Variants in RCC1 observed in about 807,000 individuals in gnomAD.
The protein encoded by RCC1 is regulator of chromosome condensation.
RCC1 carries 11 observed loss-of-function variants against 44.4 expected under a neutral mutation model. The ratio of observed to expected loss-of-function variants is 0.25; its 90% CI spans 0.16 to 0.41. RCC1 has a LOEUF of 0.41. Ranked by LOEUF, RCC1 falls within the 10% of genes least tolerant of loss-of-function variation. The pLI, the probability that RCC1 is intolerant of heterozygous loss-of-function variation, is 1.00. For synonymous variants in RCC1, 213 were observed against 216.5 expected (o/e 0.98, Z 0.14); for missense variants, 386 against 547.1 (o/e 0.71, Z 2.94).
intron 4 of RCC1, chr1:28,526,411 G>A (rs754787323): frequency 6.1e-5 from 27 of 441,560 alleles, no homozygotes; most frequent in Non-Finnish European, 1.0e-4. Flanking sequence ...CGAGAAATTC[G>A]CTTAGTTAAA....
intron 5 of RCC1, among the ~76,000 whole-genome samples, chr1:28,531,265 CTT>C (rs1178899130): frequency 6.1e-5 from 8 of 132,082 alleles, no homozygotes; most frequent in Non-Finnish European, 9.4e-5. Flanking sequence ...TTTTCTTTTT[CTT>C]TTTTTTTTTT....
intron 3 of RCC1, 23 bp downstream of exon 3, chr1:28,508,928 CAGGG>C (rs1173555647): frequency 1.6e-5 from 8 of 499,546 alleles, no homozygotes; most frequent in Middle Eastern, 3.2e-4. Context: ...TTTTTTTTAA[CAGGG>C]AGGGTTTGAC....
chr1:28,535,395 T>G lies in RCC1; in HGVS notation c.661+15T>G, dbSNP rs779414956. 35 of 1,613,462 alleles carry G rather than the reference T, an allele frequency of 2.2e-5. No homozygotes were observed. Among genetic ancestry groups the G allele is most frequent in the Non-Finnish European group, 3.0e-5 (35 of 1,179,818 alleles). The stretch of plus-strand genomic sequence containing the variant: ...GCAAGGCCTCGGTAAGTGGCCTTGG[T>G]ACCTCCAGCAGGGCAAATTGGCAGG... On this transcript the variant is annotated intron_variant, in intron 9 of 12. Transcript: ENST00000683442.
In RCC1 at chr1:28,536,402, T is replaced by C. The variant is rs370958582; in HGVS notation, c.937+21T>C. The stretch of plus-strand genomic sequence containing the variant: ...GGAAGGTAGGGCCTTTACGTCCTTC[T>C]CTAGTTTGGGGGTGGAGTGTTCCCT... On this transcript the variant is annotated intron_variant, in intron 11 of 12. Coordinates refer to ENST00000683442, the MANE Select transcript of RCC1 (RefSeq NM_001381865.2). This position sits in a 1 kb window ranked among gnomAD's most constrained non-coding sequence, Gnocchi z 4.9. 6.8e-6 allele frequency: 11 copies of C among 1,609,826 alleles called. No homozygotes were observed. The highest frequency in any genetic ancestry group is 4.0e-5 in the African/African-American group (3 of 74,808).
rs751292506 is a variant in RCC1 at position 28,531,823 on chromosome 1, A to G, written c.94A>G (p.Thr32Ala). 3.2e-6 allele frequency: 5 copies of G among 1,557,730 alleles called. No individual in the cohort carries two copies. In the African/African-American group the frequency reaches 4.1e-5, roughly 13 times the overall value. ...KVKVSHRSHSTEPGLVLTLGQ... is the reference protein window; with the variant it reads ...KVKVSHRSHSAEPGLVLTLGQ... ...TTCAGTCTCACACAGGTCCCACAGCACAGAACCCGGCTTGGTGCTGACACT... is the reference window on the plus strand; with the variant it reads ...TTCAGTCTCACACAGGTCCCACAGCGCAGAACCCGGCTTGGTGCTGACACT... The change falls in exon 6 of 13, where the codon ACA becomes GCA. Residue 32 changes from threonine to alanine, a missense_variant. Thr to Ala is a moderately conservative substitution (Grantham distance 58). Transcript: ENST00000683442.
Position 28,535,916 on chromosome 1 carries a change from G to T in RCC1, c.707G>T (p.Ser236Ile). The change falls in exon 10 of 13, where the codon AGC (serine) becomes ATC (isoleucine). Residue 236 changes from serine (S) to isoleucine (I), a missense_variant. Ser to Ile is a moderately radical substitution (Grantham distance 142). Transcript: ENST00000683442. ...PKCVMLKSRG[S>I]RGHVRFQDAF... ...TGTGTGATGCTGAAATCCAGGGGAA[G>T]CCGGGGCCACGTGAGATTCCAGGAT... 6.2e-7 allele frequency: 1 copy of T among 1,614,164 alleles called. No individual in the cohort carries two copies.
chr1:28,535,741 T>G, intron 9 of RCC1, 130 bp from the exon 10 acceptor site: 3 of 1,032,036 alleles, frequency 2.9e-6, no homozygotes, highest in Non-Finnish European at 4.5e-6. Context: ...TTTCCTTTTC[T>G]ATAAAATAGG....
intron 4 of RCC1, among the ~76,000 whole-genome samples, chr1:28,518,471 GTGCGGGCT>G (rs1342349230): frequency 6.6e-6 from 1 of 150,818 alleles, no homozygotes; most frequent in Non-Finnish European, 1.5e-5. Context: ...GGAAGGCGCG[GTGCGGGCT>G]CGCGATTCCC....
At chr1:28,510,711 G>T (rs1662471382) in intron 3 of RCC1, 1 of 152,258 alleles carries the variant, frequency 6.6e-6, no homozygotes, top group South Asian at 2.1e-4. Flanking sequence ...GGAATCCCAG[G>T]AACCAAAAGA....
chr1:28,510,149 C>T (rs1041024832), intron 3 of RCC1: 1 of 152,238 alleles, frequency 6.6e-6, no homozygotes, highest in African/African-American at 2.4e-5. Flanking sequence ...AGCCGTTAAG[C>T]CATTTGGAAC....
intron 7 of RCC1, among the ~76,000 whole-genome samples, chr1:28,534,417 G>A (rs369507565): frequency 6.6e-6 from 1 of 151,948 alleles, no homozygotes; most frequent in South Asian, 2.1e-4. Flanking sequence ...TCCTGACCTC[G>A]TGATCGCCCG....
At chr1:28,522,872 G>A (rs1255857509) in intron 4 of RCC1, among the ~76,000 whole-genome samples, 1 of 151,280 alleles carries the variant, frequency 6.6e-6, no homozygotes, top group South Asian at 2.1e-4. Context: ...TATTGATCAC[G>A]AATGACTTGG....
At chr1:28,512,622 G>A (rs569732066) in intron 3 of RCC1, among the ~76,000 whole-genome samples, 34 of 151,890 alleles carry the variant, frequency 2.2e-4, no homozygotes, top group Non-Finnish European at 4.4e-5. Flanking sequence ...TTTTTCTAAT[G>A]TAGGCATTTA....
rs771211061 is a variant in RCC1 at position 28,535,933 on chromosome 1, T to G, written c.724T>G (p.Phe242Val). 1.2e-6 allele frequency: 2 copies of G among 1,614,138 alleles called. No individual in the cohort carries two copies. Among genetic ancestry groups the G allele is most frequent in the African/African-American group, 1.3e-5 (1 of 75,036 alleles). The change falls in exon 10 of 13, where the codon TTC (phenylalanine) becomes GTC (valine). Residue 242 changes from phenylalanine (F) to valine (V), a missense_variant. Transcript: ENST00000683442. ...KSRGSRGHVR[F>V]QDAFCGAYFT... ...CAGGGGAAGCCGGGGCCACGTGAGA[T>G]TCCAGGATGCCTTTTGTGGTGCCTA... is the stretch of plus-strand genomic sequence containing the variant.
chr1:28,536,033 CCCG>C lies in RCC1; in HGVS notation c.817+8_817+10del. The C allele has an allele frequency of 1.9e-6, 3 of 1,601,372 alleles. No individual in the cohort carries two copies. The highest frequency in any genetic ancestry group is 2.6e-6 in the Non-Finnish European group (3 of 1,172,530). Reference sequence around the variant, plus strand: ...TCCAACTACCATCAGCTTGGTGAGCCCCGAGCCCAGCTTCAGGCATGACCCAGT... The same window carrying C: ...TCCAACTACCATCAGCTTGGTGAGCCAGCCCAGCTTCAGGCATGACCCAGT... On this transcript the variant is annotated splice_region_variant and intron_variant, in intron 10 of 12. Coordinates refer to ENST00000683442, the MANE Select transcript of RCC1 (RefSeq NM_001381865.2). This position sits in a 1 kb window ranked among gnomAD's most constrained non-coding sequence, Gnocchi z 4.9.
At chr1:28,507,024 CATTTTT>C (rs148106922) in intron 1 of RCC1, 3,424 of 164,386 alleles carry the variant, frequency 0.021, 150 homozygotes, top group African/African-American at 0.078. Context: ...TGATTTGGGT[CATTTTT>C]ATTTTTATAT....
intron 9 of RCC1, 101 bp downstream of exon 9, chr1:28,535,481 T>C (rs1321235707): frequency 6.4e-7 from 1 of 1,555,950 alleles, no homozygotes; most frequent in East Asian, 2.3e-5. Context: ...TTGCATCAGA[T>C]GGGCTTGTGG....
chr1:28,509,810 A>G (rs374602739), intron 3 of RCC1: 3 of 152,306 alleles, frequency 2.0e-5, no homozygotes, highest in Admixed American at 6.5e-5. Flanking sequence ...AATGGATATT[A>G]GGTCCTGACC....
In RCC1 at chr1:28,532,315, G is replaced by A. The variant is rs199886764; in HGVS notation, c.406G>A (p.Asp136Asn). The change falls in exon 7 of 13, where the codon GAT (aspartate) becomes AAT (asparagine). Residue 136 changes from aspartate to asparagine, a missense_variant. Transcript: ENST00000683442. ...AGDSHTAALT[D>N]DGRVFLWGSF... ...AGACAGTCACACAGCAGCCCTCACC[G>A]ATGATGGCCGTGTCTTCCTCTGGGG... 2.2e-5 allele frequency: 36 copies of A among 1,614,010 alleles called. No individual in the cohort carries two copies. The highest frequency in any genetic ancestry group is 2.9e-5 in the Non-Finnish European group (34 of 1,180,040).
Sources: allele counts gnomAD v4.1 joint callset (sites outside exome capture counted in the v4.1 genomes callset), GRCh38; gene constraint gnomAD v4.1.1; non-coding constraint Gnocchi (gnomAD v3.1); transcripts MANE v1.5; gene names NCBI Gene and HGNC (gene_info 2026-07-23, HGNC 2026-07-21).